Variants in SCAMP3 observed in about 807,000 individuals in gnomAD.
The protein encoded by SCAMP3 is secretory carrier membrane protein 3.
SCAMP3 carries 30 observed loss-of-function variants against 44.1 expected under a neutral mutation model. That is an observed-to-expected ratio of 0.68 (90% CI 0.51 to 0.92). The LOEUF (loss-of-function observed/expected upper bound fraction) is 0.92, where lower values mean the gene tolerates loss of function less well. Ranked by LOEUF, SCAMP3 falls within the 40% of genes least tolerant of loss-of-function variation. The pLI, the probability that SCAMP3 is intolerant of heterozygous loss-of-function variation, is 0.00. For missense variants in SCAMP3, 394 were observed against 440.0 expected (o/e 0.90, Z 0.93); for synonymous variants, 168 against 171.1 (o/e 0.98, Z 0.14).
At chr1:155,256,619 C>G in intron 8 of SCAMP3, 55 bp downstream of exon 8, 1 of 1,510,886 alleles carries the variant, frequency 6.6e-7, no homozygotes, top group Non-Finnish European at 9.2e-7. Context: ...TCCACCCACG[C>G]CCCTGGGGAC....
Position 155,256,193 on chromosome 1 carries a change from T to A in SCAMP3, c.*80A>T. The A allele has an allele frequency of 7.1e-7, 1 of 1,403,042 alleles. No homozygotes were observed. The highest frequency in any genetic ancestry group is 9.6e-7 in the Non-Finnish European group (1 of 1,037,804). The allele number at this position is 1,403,042 out of a possible 1,614,324, so 86.9% of individuals were successfully genotyped here. A position where few individuals can be genotyped will look rare whatever the true frequency, so the allele number is the denominator to read the frequency against. On this transcript the variant is annotated 3_prime_UTR_variant, in exon 9 of 9. Transcript: ENST00000302631. ...GGAGGAGCCATCAGTTAGTGATGTCTCTCCAAGTCCCAGAGACCTTAGGGA... is the reference window on the plus strand; with the variant it reads ...GGAGGAGCCATCAGTTAGTGATGTCACTCCAAGTCCCAGAGACCTTAGGGA...
chr1:155,260,573 G>A lies in SCAMP3; in HGVS notation c.231C>T (p.Pro77=). 1 of 1,614,218 alleles carries A rather than the reference G, an allele frequency of 6.2e-7. No individual in the cohort carries two copies. Among genetic ancestry groups the A allele is most frequent in the Non-Finnish European group, 8.5e-7 (1 of 1,180,052 alleles). Residue 77 remains proline, a synonymous_variant, in exon 3 of 9, where the codon CCC becomes CCT. Transcript: ENST00000302631. ...PSLQPSRKLS[P]TEPKNYGSYS... is the part of the protein sequence containing the mutation. The stretch of plus-strand genomic sequence containing the variant: ...ATGAGCCATAGTTCTTAGGTTCTGT[G>A]GGGCTGAGCTTTCTCGAGGGCTGCA...
Position 155,261,744 on chromosome 1 carries a change from G to A in SCAMP3, c.67-10C>T, listed in dbSNP as rs911464739. ...GGATCACAGCTGGGTCCTGAGGGCA[G>A]AGACCCGGGTCTCAGCTGGCACCCA... On this transcript the variant is annotated splice_polypyrimidine_tract_variant and intron_variant, in intron 1 of 8. Transcript: ENST00000302631. The A allele has an allele frequency of 1.9e-6, 3 of 1,613,460 alleles. No individual in the cohort carries two copies.
chr1:155,256,545 C>G, intron 8 of SCAMP3, 126 bp from the exon 9 acceptor site: 5 of 1,361,666 alleles, frequency 3.7e-6, no homozygotes, highest in Non-Finnish European at 5.2e-6. Flanking sequence ...GAAACACACA[C>G]CCCAGAGGTC....
At chr1:155,259,955 G>GT (rs1397736683) in intron 4 of SCAMP3, among the ~76,000 whole-genome samples, 1,970 of 139,958 alleles carry the variant, frequency 0.014, 15 homozygotes, top group South Asian at 0.03. Context: ...CCAGGTTTGT[G>GT]TTTTTTTTTT....
At position 155,262,114 on chromosome 1, in the gene SCAMP3, T is replaced by C. The variant is rs1416831844; in HGVS notation, c.38A>G (p.Glu13Gly). 2 of 1,614,142 alleles carry C rather than the reference T, an allele frequency of 1.2e-6. No homozygotes were observed. The highest frequency in any genetic ancestry group is 2.2e-5 in the East Asian group (1 of 44,882). The part of the protein sequence containing the change: ...QSRDGGNPFA[E>G]PSELDNPFQD... ...AAAGGGGTTGTCAAGCTCGCTGGGC[T>C]CGGCGAACGGGTTTCCGCCGTCTCT... Residue 13 changes from glutamate (E) to glycine (G), a missense_variant, in exon 1 of 9, where the codon GAG becomes GGG. Glu to Gly is a moderately conservative substitution (Grantham distance 98). Coordinates refer to ENST00000302631, the MANE Select transcript of SCAMP3 (RefSeq NM_005698.4).
intron 2 of SCAMP3, among the ~76,000 whole-genome samples, chr1:155,260,959 T>C (rs1365004221): frequency 6.6e-6 from 1 of 151,596 alleles, no homozygotes; most frequent in African/African-American, 2.4e-5. Flanking sequence ...TGGGGTTGTC[T>C]CTCTGCCACC....
rs754362614 is a variant in SCAMP3, at chr1:155,258,908, C to T, written c.435G>A (p.Gln145=). The T allele has an allele frequency of 1.2e-6, 2 of 1,613,122 alleles. No homozygotes were observed. The highest frequency in any genetic ancestry group is 2.7e-5 in the African/African-American group (2 of 74,746). The change falls in exon 5 of 9, where the codon CAG becomes CAA. Residue 145 remains glutamine, a synonymous_variant. Transcript: ENST00000302631. ...WPPLPSFCPV[Q]PCFFQDISME... The stretch of plus-strand genomic sequence containing the variant: ...TGGAGATGTCCTGGAAAAAGCAGGG[C>T]TGAACTGGACAAAAAGAAGGTAGAG...
intron 2 of SCAMP3, 134 bp downstream of exon 2, chr1:155,261,523 G>C: frequency 1.2e-6 from 1 of 822,226 alleles, no homozygotes; most frequent in Non-Finnish European, 2.1e-6. Flanking sequence ...TGGCTGACTA[G>C]CCTCTCTCAG....
At chr1:155,259,067 T>TC in intron 4 of SCAMP3, 113 bp from the exon 5 acceptor site, 1 of 890,502 alleles carries the variant, frequency 1.1e-6, no homozygotes, top group Admixed American at 3.2e-5. Context: ...TTTTTTTTTT[T>TC]TGAGATAGGG....
chr1:155,259,027 C>A, intron 4 of SCAMP3, 73 bp from the exon 5 acceptor site: 7 of 1,246,478 alleles, frequency 5.6e-6, no homozygotes, highest in Non-Finnish European at 7.8e-6. Context: ...TCCCCCTTCT[C>A]TCCATCCCTG....
chr1:155,258,318 CTTTTTTTTTT>C (rs71996352), intron 5 of SCAMP3, among the ~76,000 whole-genome samples: 19 of 86,572 alleles, frequency 2.2e-4, no homozygotes, highest in Non-Finnish European at 4.4e-4. Flanking sequence ...CGTGCCCGGC[CTTTTTTTTTT>C]TTTTTTTTTT....
rs771485258 is a variant in SCAMP3, at chr1:155,256,719, C to G, written c.852G>C (p.Leu284=). 4 of 1,614,212 alleles carry G rather than the reference C, an allele frequency of 2.5e-6. No individual in the cohort carries two copies. ...CTAGCACAGCAATGCCAGTGAAGAGCAGGGCGACCAGCAGCATGAGCACGG... is the reference window on the plus strand; with the variant it reads ...CTAGCACAGCAATGCCAGTGAAGAGGAGGGCGACCAGCAGCATGAGCACGG... ...AVSVLMLLVA[L]LFTGIAVLGI... Residue 284 remains leucine (L), a synonymous_variant, in exon 8 of 9, where the codon CTG becomes CTC. Transcript: ENST00000302631.
chr1:155,260,790 G>A (rs1465031585), intron 2 of SCAMP3, 131 bp from the exon 3 acceptor site: 4 of 784,648 alleles, frequency 5.1e-6, no homozygotes, highest in Non-Finnish European at 8.0e-6. Flanking sequence ...TAGGAAGCTA[G>A]TTCTTCTGTT....
chr1:155,258,798 T>C (rs778696995), intron 5 of SCAMP3, 28 bp downstream of exon 5: 1 of 1,585,520 alleles, frequency 6.3e-7, no homozygotes, highest in East Asian at 2.3e-5. Context: ...TACCTGTAAC[T>C]TCCTCCAAAA....
chr1:155,258,014 T>G (rs1370609189), intron 5 of SCAMP3, among the ~76,000 whole-genome samples: 1 of 149,042 alleles, frequency 6.7e-6, no homozygotes, highest in Non-Finnish European at 1.5e-5. Context: ...CCAGCTAATT[T>G]TTTTTTTTCT....
At chr1:155,260,887 A>G (rs935738956) in intron 2 of SCAMP3, among the ~76,000 whole-genome samples, 1 of 149,306 alleles carries the variant, frequency 6.7e-6, no homozygotes, top group African/African-American at 2.5e-5. Flanking sequence ...CAAATCACTC[A>G]TTTACCATAT....
rs763972750 is a variant in SCAMP3, at chr1:155,257,645, G to C, written c.530C>G (p.Ala177Gly). The change falls in exon 6 of 9, where the codon GCT (alanine) becomes GGT (glycine). Residue 177 changes from alanine to glycine, a missense_variant. Coordinates refer to ENST00000302631, the MANE Select transcript of SCAMP3 (RefSeq NM_005698.4). ...MYYLWMCSTLALLLNFLACLA... is the reference protein window; with the variant it reads ...MYYLWMCSTLGLLLNFLACLA... ...GCAGGCGAGGAAGTTCAGGAGAAGAGCCAGCGTGCTGCCTAAGGGGCAGAG... is the reference window on the plus strand; with the variant it reads ...GCAGGCGAGGAAGTTCAGGAGAAGACCCAGCGTGCTGCCTAAGGGGCAGAG... The C allele has an allele frequency of 1.2e-5, 19 of 1,560,494 alleles. 1 individual carries two copies. The South Asian group carries it at 2.1e-4, about 17-fold the overall frequency.
intron 2 of SCAMP3, chr1:155,261,345 T>G (rs1672956721): frequency 2.6e-6 from 1 of 379,082 alleles, no homozygotes; most frequent in Non-Finnish European, 4.9e-6. Flanking sequence ...ACTGCACACC[T>G]AACCTAAACT....
Sources: allele counts gnomAD v4.1 joint callset (sites outside exome capture counted in the v4.1 genomes callset), GRCh38; gene constraint gnomAD v4.1.1; transcripts MANE v1.5; gene names NCBI Gene and HGNC (gene_info 2026-07-23, HGNC 2026-07-21).